Variants in IPO9 observed in about 807,000 individuals in gnomAD.
IPO9 encodes importin-9.
A neutral mutation model predicts 128.6 loss-of-function variants in IPO9; 28 were observed. The ratio of observed to expected loss-of-function variants is 0.22; its 90% confidence interval spans 0.16 to 0.30. The LOEUF is 0.30. Among genes scored for constraint, IPO9 ranks in the 10% least tolerant of loss-of-function variants. The probability of loss-of-function intolerance (pLI) is 1.00; values close to 1 mark genes in which losing one functional copy is unlikely to be tolerated. For missense variants in IPO9, 935 were observed against 1,293.9 expected, an observed-to-expected ratio of 0.72 and a Z score of 4.26; for synonymous variants, 455 against 475.8, an observed-to-expected ratio of 0.96 and a Z score of 0.57.
rs754023550 is a variant in IPO9 at position 201,876,113 on chromosome 1, C to T, written c.*59C>T. The T allele has an allele frequency of 2.6e-6, 3 of 1,136,342 alleles. No individual in the cohort carries two copies. The highest frequency in any genetic ancestry group is 4.0e-6 in the Non-Finnish European group (3 of 743,930). 70.4% of individuals were successfully genotyped at this position (1,136,342 alleles called of 1,614,324 possible). A position where few individuals can be genotyped will look rare whatever the true frequency, so the allele number is the denominator to read the frequency against. ...GCCAGCCGCAAACCATTTTGCAGCC[C>T]TCACTGGCCTTGAGATGCACTTTCT... On this transcript the variant is annotated 3_prime_UTR_variant, in exon 24 of 24. Transcript: ENST00000361565.
At chr1:201,833,903 C>T (rs1679880428) in intron 1 of IPO9, among the ~76,000 whole-genome samples, 1 of 152,154 alleles carries the variant, frequency 6.6e-6, no homozygotes, top group South Asian at 2.1e-4. Context: ...CTCCCAACCT[C>T]AGCCTCCCAA....
chr1:201,835,493 A>G (rs538520547), intron 1 of IPO9, among the ~76,000 whole-genome samples: 1 of 152,352 alleles, frequency 6.6e-6, no homozygotes, highest in East Asian at 1.9e-4. Context: ...GAATAAAGGT[A>G]TAATTAAGGA....
chr1:201,847,906 G>T (rs1008531081), intron 3 of IPO9, among the ~76,000 whole-genome samples: 7 of 152,162 alleles, frequency 4.6e-5, no homozygotes, highest in Non-Finnish European at 5.9e-5. Context: ...AATCTCCAAA[G>T]TGAGAATAAA....
Position 201,855,892 on chromosome 1 carries a change from G to T in IPO9, c.1080G>T (p.Leu360Phe). ...CTGTTAAGAAAGCCTTGCCTGAATTGATTTATTATATTATCCTGTACATGC... is the reference window on the plus strand; with the variant it reads ...CTGTTAAGAAAGCCTTGCCTGAATTTATTTATTATATTATCCTGTACATGC... ...KSTVKKALPELIYYIILYMQI... is the reference protein window; with the variant it reads ...KSTVKKALPEFIYYIILYMQI... The change falls in exon 10 of 24, where the codon TTG becomes TTT. Residue 360 changes from leucine (L) to phenylalanine (F), a missense_variant. Physicochemically the swap from Leu to Phe is conservative, Grantham distance 22. Coordinates refer to ENST00000361565, the MANE Select transcript of IPO9 (RefSeq NM_018085.5). The T allele has an allele frequency of 3.7e-6, 6 of 1,611,502 alleles. No homozygotes were observed. Among genetic ancestry groups the T allele is most frequent in the Non-Finnish European group, 4.2e-6 (5 of 1,179,356 alleles).
Position 201,876,088 on chromosome 1 carries a change from G to A in IPO9, c.*34G>A. On this transcript the variant is annotated 3_prime_UTR_variant, in exon 24 of 24. Transcript: ENST00000361565. ...GCCTTTCTACATTTGCTCCTTCTGG[G>A]CCAGCCGCAAACCATTTTGCAGCCC... is the stretch of plus-strand genomic sequence containing the variant. The A allele has an allele frequency of 7.0e-7, 1 of 1,422,616 alleles. No individual in the cohort carries two copies. The highest frequency in any genetic ancestry group is 9.9e-7 in the Non-Finnish European group (1 of 1,006,592). 88.1% of individuals were successfully genotyped at this position (1,422,616 alleles called of 1,614,324 possible). A position where few individuals can be genotyped will look rare whatever the true frequency, so the allele number is the denominator to read the frequency against.
In IPO9 at chr1:201,853,103, C is replaced by T. The variant is rs1571546165; in HGVS notation, c.690+6C>T. On this transcript the variant is annotated splice_donor_region_variant and intron_variant, in intron 6 of 23. Transcript: ENST00000361565. ...ACATGGAGGAGCTGGAAAAGGTAAG[C>T]AGGTCTTTGGATCAATAACAGACTT... is the stretch of plus-strand genomic sequence containing the variant. 3.1e-6 allele frequency: 5 copies of T among 1,612,604 alleles called. No homozygotes were observed. The highest frequency in any genetic ancestry group is 1.1e-5 in the South Asian group (1 of 91,060).
Position 201,871,146 on chromosome 1 carries a change from C to G in IPO9, c.2410-15C>G, listed in dbSNP as rs1680643850. On this transcript the variant is annotated splice_polypyrimidine_tract_variant and intron_variant, in intron 18 of 23. Transcript: ENST00000361565. ...AATTGATTTCCCTGAAGCAAATGTC[C>G]TTATTTTCTCCTAGTCCCTGATCAT... The G allele has an allele frequency of 4.3e-6, 7 of 1,609,474 alleles. No individual in the cohort carries two copies. In the East Asian group the frequency reaches 1.6e-4, roughly 36 times the overall value.
Position 201,852,161 on chromosome 1 carries a change from C to G in IPO9, c.572C>G (p.Pro191Arg). 6.2e-7 allele frequency: 1 copy of G among 1,612,604 alleles called. No individual in the cohort carries two copies. The stretch of plus-strand genomic sequence containing the variant: ...CCACTTGTTGCTCCTGTCATTCTCC[C>G]AGAGATGTATAAGATCTTCACCATG... ...QMPLVAPVIL[P>R]EMYKIFTMAE... Residue 191 changes from proline to arginine, a missense_variant, in exon 5 of 24, where the codon CCA (proline) becomes CGA (arginine). By Grantham distance (103) the Pro-to-Arg change is moderately radical. Around this residue, in one of 3 missense-constraint regions of IPO9, gnomAD observed 741 missense variants for 1,019.1 expected, o/e 0.73. Transcript: ENST00000361565.
At chr1:201,851,737 A>G (rs1231305399) in intron 4 of IPO9, among the ~76,000 whole-genome samples, 4 of 152,200 alleles carry the variant, frequency 2.6e-5, no homozygotes, top group African/African-American at 9.7e-5. Context: ...AAAGGTAAGA[A>G]ACCTCGAAGT....
intron 1 of IPO9, 23 bp downstream of exon 1, chr1:201,829,395 G>C (rs371859538): frequency 1.2e-5 from 18 of 1,539,828 alleles, no homozygotes; most frequent in East Asian, 2.5e-5. Flanking sequence ...GGACCGTCAC[G>C]AGGATGGCTC....
chr1:201,842,423 C>T (rs1680051779), intron 1 of IPO9, among the ~76,000 whole-genome samples: 1 of 152,018 alleles, frequency 6.6e-6, no homozygotes, highest in African/African-American at 2.4e-5. Context: ...AACCTTCAGC[C>T]CCTCTACCCT....
chr1:201,842,930 CTT>C (rs778046881), intron 1 of IPO9, among the ~76,000 whole-genome samples: 20 of 152,218 alleles, frequency 1.3e-4, no homozygotes, highest in Non-Finnish European at 2.2e-4. Context: ...CTCTGAGCCT[CTT>C]TTGAGGTGTT....
chr1:201,836,729 A>G (rs1162656300), intron 1 of IPO9, among the ~76,000 whole-genome samples: 2 of 152,210 alleles, frequency 1.3e-5, no homozygotes, highest in East Asian at 1.9e-4. Flanking sequence ...TGGGTTAAGT[A>G]AAAGAATTTT....
At position 201,883,855 on chromosome 1, in the gene IPO9, C is replaced by T. The variant is rs575148230; in HGVS notation, c.*7801C>T. 6.6e-6 allele frequency: 1 copy of T among 152,366 alleles called. No individual in the cohort carries two copies. Among genetic ancestry groups the T allele is most frequent in the Non-Finnish European group, 1.5e-5 (1 of 68,034 alleles). 9.4% of individuals were successfully genotyped at this position (152,366 alleles called of 1,614,324 possible). On this transcript the variant is annotated 3_prime_UTR_variant, in exon 24 of 24. Transcript: ENST00000361565. ...GACTCATCCCTGCCACAGGGAGGTT[C>T]ACAGCAAGAGCACAGAAACTAGGGC...
intron 16 of IPO9, 54 bp from the exon 17 acceptor site, chr1:201,869,536 G>A: frequency 6.3e-7 from 1 of 1,597,424 alleles, no homozygotes; most frequent in Non-Finnish European, 8.5e-7. Flanking sequence ...TTGGTTGTTG[G>A]GCAACCCCCA....
Position 201,879,077 on chromosome 1 carries a change from TGGAA to T in IPO9, c.*3028_*3031del, listed in dbSNP as rs1395013458. The T allele has an allele frequency of 6.6e-6, 1 of 151,664 alleles. No homozygotes were observed. The highest frequency in any genetic ancestry group is 2.4e-5 in the African/African-American group (1 of 41,236). The allele number at this position is 151,664 out of a possible 1,614,324, so 9.4% of individuals were successfully genotyped here. A position where few individuals can be genotyped will look rare whatever the true frequency, so the allele number is the denominator to read the frequency against. ...TTATTGGAGTGAACTGAAAGGAAAA[TGGAA>T]GGAATGCTATAAGACTGAAAAGAAG... On this transcript the variant is annotated 3_prime_UTR_variant, in exon 24 of 24. Transcript: ENST00000361565.
intron 15 of IPO9, among the ~76,000 whole-genome samples, chr1:201,867,205 A>C (rs1680569189): frequency 6.6e-6 from 1 of 152,232 alleles, no homozygotes; most frequent in African/African-American, 2.4e-5. Flanking sequence ...TAAAGATAAT[A>C]AATAAAGGGC....
intron 1 of IPO9, among the ~76,000 whole-genome samples, chr1:201,841,730 G>C (rs1453400693): frequency 6.6e-6 from 1 of 152,150 alleles, no homozygotes; most frequent in African/African-American, 2.4e-5. Flanking sequence ...AAAGAATGGG[G>C]ATGTATAGAA....
intron 1 of IPO9, among the ~76,000 whole-genome samples, chr1:201,832,853 G>A (rs1346368147): frequency 1.3e-5 from 2 of 152,208 alleles, no homozygotes; most frequent in Admixed American, 6.5e-5. Context: ...CCCTTGTCTT[G>A]AAGATTAAAT....
Sources: allele counts gnomAD v4.1 joint callset (sites outside exome capture counted in the v4.1 genomes callset), GRCh38; gene constraint gnomAD v4.1.1; regional missense constraint gnomAD v4.1.1; transcripts MANE v1.5; gene names NCBI Gene and HGNC (gene_info 2026-07-23, HGNC 2026-07-21).